ST3GAL5: variants seen among roughly 807,000 people sequenced by gnomAD.
ST3GAL5 encodes the protein lactosylceramide alpha-2,3-sialyltransferase.
A neutral mutation model predicts 46.1 loss-of-function variants in ST3GAL5; 25 were observed. That is an observed-to-expected ratio of 0.54 (90% CI 0.40 to 0.76). The LOEUF (loss-of-function observed/expected upper bound fraction) is 0.76, where lower values mean the gene tolerates loss of function less well. Ranked by LOEUF, ST3GAL5 falls within the 30% of genes least tolerant of loss-of-function variation. The pLI, the probability that ST3GAL5 is intolerant of heterozygous loss-of-function variation, is 0.00. For synonymous variants in ST3GAL5, 182 were observed against 192.7 expected (o/e 0.94, Z 0.46); for missense variants, 431 against 521.2 (o/e 0.83, Z 1.69).
intron 1 of ST3GAL5, chr2:85,880,939 G>T (rs939768403): frequency 1.9e-6 from 1 of 517,816 alleles, no homozygotes; most frequent in Non-Finnish European, 3.8e-6. Context: ...CAGATTTGGG[G>T]TGTATGTGTG....
intron 1 of ST3GAL5, among the ~76,000 whole-genome samples, chr2:85,866,972 G>A (rs991259506): frequency 6.6e-6 from 1 of 152,154 alleles, no homozygotes; most frequent in Non-Finnish European, 1.5e-5. Context: ...AATGTTAACA[G>A]AAATTATAAT....
intron 1 of ST3GAL5, chr2:85,880,937 G>A (rs1558707717): frequency 1.9e-6 from 1 of 517,928 alleles, no homozygotes; most frequent in East Asian, 5.4e-5. Flanking sequence ...TTCAGATTTG[G>A]GGTGTATGTG....
At chr2:85,861,403 C>T (rs1400182697) in intron 2 of ST3GAL5, 111 bp from the exon 3 acceptor site, 1 of 750,132 alleles carries the variant, frequency 1.3e-6, no homozygotes, top group Non-Finnish European at 2.4e-6. Context: ...CAGCATAAAA[C>T]TACAATCTTT....
intron 3 of ST3GAL5, 159 bp from the exon 4 acceptor site, chr2:85,848,363 A>C: frequency 6.4e-7 from 1 of 1,554,860 alleles, no homozygotes; most frequent in Middle Eastern, 1.7e-4. Flanking sequence ...AGTTTGGCTC[A>C]GAAACTTGAA....
At chr2:85,857,781 C>G (rs548497839) in intron 3 of ST3GAL5, among the ~76,000 whole-genome samples, 2 of 152,152 alleles carry the variant, frequency 1.3e-5, no homozygotes, top group East Asian at 3.9e-4. Flanking sequence ...ATATTAGATT[C>G]AAATTGTAGA....
rs1032797955 is a variant in ST3GAL5 at position 85,838,215 on chromosome 2, A to G, written c.*1929T>C. ...AAGAAGGGCCTTACAGGGAGGAGGG[A>G]TGGGGATGGGAGCAGGCCTGAGAAT... On this transcript the variant is annotated 3_prime_UTR_variant, in exon 7 of 7. Transcript: ENST00000638572. The G allele has an allele frequency of 6.6e-6, 1 of 152,214 alleles. No homozygotes were observed. Among genetic ancestry groups the G allele is most frequent in the African/African-American group, 2.4e-5 (1 of 41,418 alleles). 9.4% of individuals were successfully genotyped at this position (152,214 alleles called of 1,614,324 possible). A position where few individuals can be genotyped will look rare whatever the true frequency, so the allele number is the denominator to read the frequency against.
chr2:85,880,797 C>A, intron 1 of ST3GAL5: 1 of 484,566 alleles, frequency 2.1e-6, no homozygotes, highest in African/African-American at 2.0e-5. Flanking sequence ...GCACTCCAGC[C>A]TGGGTGACAG....
intron 1 of ST3GAL5, 26 bp downstream of exon 1, chr2:85,888,798 G>A (rs1037123868): frequency 3.3e-6 from 4 of 1,194,408 alleles, no homozygotes; most frequent in Non-Finnish European, 4.1e-6. Context: ...CCCCCGCGAC[G>A]CCGAGGAGGG....
intron 1 of ST3GAL5, among the ~76,000 whole-genome samples, chr2:85,869,625 G>GAACTTCACTAAGA (rs1685689911): frequency 6.6e-6 from 1 of 152,088 alleles, no homozygotes; most frequent in African/African-American, 2.4e-5. Flanking sequence ...AAATCATGAG[G>GAACTTCACTAAGA]AACTTCACTA....
At chr2:85,852,753 A>C (rs1683662183) in intron 3 of ST3GAL5, 1 of 619,142 alleles carries the variant, frequency 1.6e-6, no homozygotes, top group Admixed American at 3.6e-5. Flanking sequence ...TTAGAAAAAA[A>C]AATAATCAGG....
chr2:85,862,692 T>C (rs1190575548), intron 2 of ST3GAL5, among the ~76,000 whole-genome samples: 1 of 152,152 alleles, frequency 6.6e-6, no homozygotes, highest in Non-Finnish European at 1.5e-5. Flanking sequence ...TCAATAAATA[T>C]TGGTTGGTGA....
intron 1 of ST3GAL5, 92 bp from the exon 2 acceptor site, chr2:85,863,577 A>G (rs913757819): frequency 1.4e-6 from 2 of 1,382,236 alleles, no homozygotes; most frequent in African/African-American, 2.8e-5. Context: ...TATATGTTGC[A>G]TCCATACCAT....
chr2:85,874,420 A>G (rs1187715382), intron 1 of ST3GAL5, among the ~76,000 whole-genome samples: 2 of 151,472 alleles, frequency 1.3e-5, no homozygotes, highest in Non-Finnish European at 2.9e-5. Context: ...CACCTATCTC[A>G]CACTCTCCTC....
chr2:85,853,937 T>C (rs966568189), intron 3 of ST3GAL5: 1 of 152,192 alleles, frequency 6.6e-6, no homozygotes, highest in African/African-American at 2.4e-5. Flanking sequence ...GTCAAAATGT[T>C]AAAAACCTAC....
intron 1 of ST3GAL5, chr2:85,875,684 G>C (rs1296626793): frequency 1.3e-5 from 2 of 152,300 alleles, no homozygotes; most frequent in South Asian, 2.1e-4. Flanking sequence ...AAATGAAAGA[G>C]AGTGGGGGAA....
rs555189702 is a variant in ST3GAL5, at chr2:85,842,053, C to T, written c.1009-1661G>A. Among the ~76,000 whole-genome samples, 181 of 150,540 alleles carry T rather than the reference C, an allele frequency of 1.2e-3. 1 individual carries two copies. Among genetic ancestry groups the T allele is most frequent in the African/African-American group, 3.8e-3 (158 of 41,400 alleles). The stretch of plus-strand genomic sequence containing the variant: ...TCTTCTTTTTTGTAAAGTGGAACAA[C>T]AGTGGACCCTCCAGAGTTCACAGAT... On this transcript the variant is annotated intron_variant, in intron 6 of 6. Transcript: ENST00000638572.
At chr2:85,861,089 A>G (rs1684675451) in intron 3 of ST3GAL5, 92 bp downstream of exon 3, 2 of 938,386 alleles carry the variant, frequency 2.1e-6, no homozygotes, top group Admixed American at 3.6e-5. Context: ...TTTTATTAAC[A>G]TATATTTGTC....
intron 2 of ST3GAL5, 151 bp downstream of exon 2, chr2:85,863,211 C>T (rs1439669941): frequency 4.1e-6 from 6 of 1,455,382 alleles, no homozygotes; most frequent in African/African-American, 1.4e-5. Context: ...TCAGTCTTTA[C>T]TCAGACGTGC....
intron 1 of ST3GAL5, chr2:85,869,989 G>A (rs1685743408): frequency 2.9e-6 from 1 of 345,448 alleles, no homozygotes; most frequent in Non-Finnish European, 5.8e-6. Context: ...TTAAGCAAAC[G>A]AGACCCTCTC....
Sources: allele counts gnomAD v4.1 joint callset (sites outside exome capture counted in the v4.1 genomes callset), GRCh38; gene constraint gnomAD v4.1.1; transcripts MANE v1.5; gene names NCBI Gene and HGNC (gene_info 2026-07-23, HGNC 2026-07-21).